MGLL: variants seen among roughly 807,000 people sequenced by gnomAD.
The protein encoded by MGLL is lysophospholipase homolog.
Under a neutral mutation model 29.1 loss-of-function variants are expected in MGLL, and 7 were observed. The observed-to-expected ratio is 0.24, with a 90% confidence interval of 0.14 to 0.45. The LOEUF is 0.45. Among genes scored for constraint, MGLL ranks in the 20% least tolerant of loss-of-function variants. The pLI is 0.99. For synonymous variants in MGLL, 148 were observed against 168.3 expected (o/e 0.88, Z 0.93); for missense variants, 356 against 413.6 (o/e 0.86, Z 1.21).
chr3:127,730,265 T>A (rs938385989), intron 3 of MGLL, among the ~76,000 whole-genome samples: 4 of 151,382 alleles, frequency 2.6e-5, no homozygotes, highest in Non-Finnish European at 5.9e-5. Context: ...ATGACCCACC[T>A]CCTCTTCCGG....
intron 3 of MGLL, among the ~76,000 whole-genome samples, chr3:127,743,481 C>T (rs918725351): frequency 3.3e-5 from 5 of 150,806 alleles, no homozygotes; most frequent in South Asian, 4.2e-4. Context: ...GCAAAGGAAC[C>T]GCTTCCTTAG....
chr3:127,766,839 G>C (rs531514952), intron 3 of MGLL, among the ~76,000 whole-genome samples: 1 of 152,316 alleles, frequency 6.6e-6, no homozygotes, highest in South Asian at 2.1e-4. Context: ...GGGAGGCTGA[G>C]GTGGGCGTAT....
chr3:127,712,857 G>C (rs939838882), intron 5 of MGLL: 3 of 152,278 alleles, frequency 2.0e-5, no homozygotes, highest in African/African-American at 7.2e-5. Context: ...CACAAGGACT[G>C]GGGTATTTTC....
At chr3:127,697,564 A>T (rs1443787565) in intron 6 of MGLL, among the ~76,000 whole-genome samples, 3 of 152,180 alleles carry the variant, frequency 2.0e-5, no homozygotes, top group Non-Finnish European at 4.4e-5. Flanking sequence ...TTCCTTCGGT[A>T]CACAACTGCT....
intron 3 of MGLL, among the ~76,000 whole-genome samples, chr3:127,740,959 C>A (rs923578502): frequency 1.3e-5 from 2 of 152,208 alleles, no homozygotes; most frequent in Admixed American, 6.5e-5. Context: ...GCTGCAGGTA[C>A]CAATGCCTGG....
chr3:127,714,917 A>G (rs1456415499), intron 5 of MGLL, among the ~76,000 whole-genome samples: 1 of 152,180 alleles, frequency 6.6e-6, no homozygotes, highest in Non-Finnish European at 1.5e-5. Context: ...CAGTTGGCGT[A>G]TGGTAGCGGG....
chr3:127,815,726 C>T (rs945160527), intron 2 of MGLL, among the ~76,000 whole-genome samples: 2 of 152,242 alleles, frequency 1.3e-5, no homozygotes, highest in African/African-American at 2.4e-5. Context: ...CTCACCAACT[C>T]ATGGGGCAGC....
At chr3:127,774,479 A>C (rs889653546) in intron 3 of MGLL, among the ~76,000 whole-genome samples, 1 of 152,208 alleles carries the variant, frequency 6.6e-6, no homozygotes, top group Non-Finnish European at 1.5e-5. Context: ...CATTCAGTGA[A>C]TATCAAAGAA....
chr3:127,759,582 G>A (rs1041503236), intron 3 of MGLL, among the ~76,000 whole-genome samples: 2 of 152,202 alleles, frequency 1.3e-5, no homozygotes, highest in African/African-American at 4.8e-5. Context: ...CCTGCTTAGA[G>A]GTCATTTTCC....
intron 3 of MGLL, among the ~76,000 whole-genome samples, chr3:127,751,666 G>A (rs368781790): frequency 7.9e-5 from 12 of 152,010 alleles, no homozygotes; most frequent in South Asian, 6.2e-4. Flanking sequence ...GTCTGAAGCC[G>A]GTAAGTTTTG....
At chr3:127,718,850 T>TAA (rs3836353) in intron 5 of MGLL, among the ~76,000 whole-genome samples, 1 of 151,932 alleles carries the variant, frequency 6.6e-6, no homozygotes, top group Non-Finnish European at 1.5e-5. Flanking sequence ...TAAATTACAT[T>TAA]AAAAAATAGA....
At chr3:127,733,878 C>T (rs35632623) in intron 3 of MGLL, among the ~76,000 whole-genome samples, 18,917 of 152,160 alleles carry the variant, frequency 0.12, 1,704 homozygotes, top group East Asian at 0.45. Context: ...TGCGCAGCTG[C>T]ACCTGGGTGG....
chr3:127,705,236 G>T (rs778902524), intron 6 of MGLL, among the ~76,000 whole-genome samples: 2 of 152,076 alleles, frequency 1.3e-5, no homozygotes, highest in African/African-American at 2.4e-5. Flanking sequence ...AGGGGCACGG[G>T]GGGAGGGAGA....
At chr3:127,708,519 A>G (rs1195545695) in intron 6 of MGLL, among the ~76,000 whole-genome samples, 1 of 152,188 alleles carries the variant, frequency 6.6e-6, no homozygotes, top group Non-Finnish European at 1.5e-5. Flanking sequence ...GAGAGAAAAG[A>G]TCTGAAATTG....
chr3:127,752,951 A>G (rs2107671896), intron 3 of MGLL, among the ~76,000 whole-genome samples: 1 of 152,250 alleles, frequency 6.6e-6, no homozygotes, highest in Middle Eastern at 3.4e-3. Flanking sequence ...CCCTCCATTT[A>G]GTCATTTTGT....
chr3:127,813,942 A>G (rs1272585489), intron 2 of MGLL, among the ~76,000 whole-genome samples: 1 of 150,288 alleles, frequency 6.7e-6, no homozygotes. Context: ...TCTCTCCTCT[A>G]TCCTTCCTCC....
chr3:127,732,578 C>G (rs1300841572), intron 3 of MGLL, among the ~76,000 whole-genome samples: 2 of 152,238 alleles, frequency 1.3e-5, no homozygotes, highest in African/African-American at 4.8e-5. Context: ...CACGCCCAGA[C>G]CCCAGGGCTT....
intron 3 of MGLL, among the ~76,000 whole-genome samples, chr3:127,745,977 T>C (rs1387636273): frequency 6.6e-6 from 1 of 152,216 alleles, no homozygotes; most frequent in Non-Finnish European, 1.5e-5. Flanking sequence ...AAAAGTTATT[T>C]TGACTTTACT....
chr3:127,695,208 G>C lies in MGLL; in HGVS notation c.601-18C>G. 2 of 1,609,408 alleles carry C rather than the reference G, an allele frequency of 1.2e-6. No homozygotes were observed. The highest frequency in any genetic ancestry group is 1.3e-5 in the African/African-American group (1 of 74,960). ...ATGTCGACCTGGAGGAAGAAGGAGAGGGTTCCATCAGCATGGGCAGGGCTC... is the reference window on the plus strand; with the variant it reads ...ATGTCGACCTGGAGGAAGAAGGAGACGGTTCCATCAGCATGGGCAGGGCTC... On this transcript the variant is annotated intron_variant, in intron 6 of 7. Coordinates refer to ENST00000265052, the MANE Select transcript of MGLL (RefSeq NM_007283.7).
Sources: gnomAD v4.1 joint callset for allele counts (sites outside exome capture counted in the v4.1 genomes callset) on GRCh38, gnomAD v4.1.1 for gene constraint, MANE v1.5 for transcripts, NCBI Gene and HGNC (gene_info 2026-07-23, HGNC 2026-07-21) for gene names.